The following TMEM260 variants were observed in gnomAD, a reference collection of about 807,000 sequenced individuals.
TMEM260 encodes protein O-mannosyl-transferase TMEM260.
A neutral mutation model predicts 88.9 loss-of-function variants in TMEM260; 82 were observed. The observed-to-expected ratio is 0.92, with a 90% CI of 0.77 to 1.11. TMEM260 has a LOEUF of 1.11. TMEM260 is among the 50% of genes least tolerant of loss of function. The pLI is 0.00. For missense variants in TMEM260, 902 were observed against 853.4 expected, an observed-to-expected ratio of 1.06 and a Z score of -0.71; for synonymous variants, 314 against 309.3, an observed-to-expected ratio of 1.02 and a Z score of -0.16.
the TMEM260 span, among the ~76,000 whole-genome samples, chr14:56,658,525 C>T: frequency 4.6e-5 from 7 of 152,034 alleles, no homozygotes; most frequent in East Asian, 1.2e-3. Flanking sequence ...TCTGAGCCAC[C>T]GCACCCGGCC....
At chr14:56,654,326 C>G (rs972421860), downstream of TMEM260, among the ~76,000 whole-genome samples, 1 of 152,140 alleles carries the variant, frequency 6.6e-6, no homozygotes, top group Non-Finnish European at 1.5e-5. Flanking sequence ...CTGCTAGAAG[C>G]TCAATTTGAA....
At position 56,587,885 on chromosome 14, in the gene TMEM260, A is replaced by T. The variant is rs562536615; in HGVS notation, c.344+1973A>T. Among the ~76,000 whole-genome samples the T allele has an allele frequency of 7.2e-5, 11 of 152,172 alleles. No individual in the cohort carries two copies. In the East Asian group the frequency reaches 2.1e-3, roughly 29 times the overall value. ...AGGACTAACAGTAGCCTATTGATTG[A>T]GTGGAAGAAGACATTATACAATGTC... On this transcript the variant is annotated intron_variant, in intron 3 of 15. Transcript: ENST00000261556.
intron 12 of TMEM260, among the ~76,000 whole-genome samples, chr14:56,629,126 CCT>C: frequency 6.6e-6 from 1 of 152,050 alleles, no homozygotes; most frequent in East Asian, 1.9e-4. Flanking sequence ...GAACTCCTGA[CCT>C]CAAGTGATCC....
Position 56,632,972 on chromosome 14 carries a change from A to G in TMEM260, c.1548-23A>G, listed in dbSNP as rs368923321. On this transcript the variant is annotated intron_variant, in intron 12 of 15. Transcript: ENST00000261556. Reference sequence around the variant, plus strand: ...TAAAACTTTAAATTTTAAGTACATCATGTATTTTTCTGTTTCCAACAGAAA... The same window carrying G: ...TAAAACTTTAAATTTTAAGTACATCGTGTATTTTTCTGTTTCCAACAGAAA... 8.5e-5 allele frequency: 135 copies of G among 1,596,620 alleles called. 1 individual carries two copies. The Middle Eastern group carries it at 1.7e-3, about 20-fold the overall frequency.
chr14:56,630,637 G>T (rs1888531224), intron 12 of TMEM260, among the ~76,000 whole-genome samples: 2 of 151,864 alleles, frequency 1.3e-5, no homozygotes, highest in Non-Finnish European at 2.9e-5. Context: ...TATAATAGTT[G>T]TTTTAAAGTC....
In TMEM260 at chr14:56,637,252, T is replaced by G. The variant is rs546531025; in HGVS notation, c.1869+654T>G. ...ATATAATAGCTTCATTTAAAACAAG[T>G]TCTAGCTGGTTACTGCCTCTGCAAA... is the stretch of plus-strand genomic sequence containing the variant. On this transcript the variant is annotated intron_variant, in intron 15 of 15. Transcript: ENST00000261556. Among the ~76,000 whole-genome samples the G allele has an allele frequency of 6.7e-4, 102 of 152,326 alleles. 1 individual carries two copies. Among genetic ancestry groups the G allele is most frequent in the Admixed American group, 4.6e-4 (7 of 15,302 alleles).
chr14:56,626,605 A>T (rs1438296673), intron 12 of TMEM260, among the ~76,000 whole-genome samples: 4 of 152,210 alleles, frequency 2.6e-5, no homozygotes, highest in African/African-American at 9.6e-5. Context: ...CAGACATAGT[A>T]TATACTCAAT....
At chr14:56,654,790 GGCAACAAGA>G (rs1283893421), downstream of TMEM260, among the ~76,000 whole-genome samples, 1 of 129,778 alleles carries the variant, frequency 7.7e-6, no homozygotes, top group Non-Finnish European at 1.6e-5. Context: ...CTCCAACCTG[GGCAACAAGA>G]GCGAAACTCC....
chr14:56,645,024 G>C (rs1310313288), intron 15 of TMEM260, among the ~76,000 whole-genome samples: 2 of 151,128 alleles, frequency 1.3e-5, no homozygotes, highest in African/African-American at 4.9e-5. Flanking sequence ...GGAGAAATAG[G>C]AACACTTTTA....
intron 1 of TMEM260, among the ~76,000 whole-genome samples, chr14:56,582,846 A>G (rs1382576615): frequency 6.6e-6 from 1 of 152,162 alleles, no homozygotes; most frequent in Non-Finnish European, 1.5e-5. Flanking sequence ...TCAAGGTTAC[A>G]TTTAGAGACG....
chr14:56,599,864 A>G (rs1393225201), intron 3 of TMEM260, among the ~76,000 whole-genome samples: 1 of 152,202 alleles, frequency 6.6e-6, no homozygotes, highest in African/African-American at 2.4e-5. Context: ...TTTTTTAGAG[A>G]ATGTTAGAAT....
At chr14:56,617,415 C>A in intron 9 of TMEM260, 118 bp downstream of exon 9, 1 of 620,400 alleles carries the variant, frequency 1.6e-6, no homozygotes, top group Non-Finnish European at 2.8e-6. Context: ...ATTTTATATA[C>A]ATTTTTATAA....
intron 14 of TMEM260, 85 bp downstream of exon 14, chr14:56,635,037 G>C: frequency 8.7e-7 from 1 of 1,154,264 alleles, no homozygotes; most frequent in Non-Finnish European, 1.3e-6. Flanking sequence ...TTGAGAGTAG[G>C]GGTGAGTAGT....
At position 56,580,019 on chromosome 14, in the gene TMEM260, C is replaced by G. The variant is rs767240415; in HGVS notation, c.105C>G (p.Ala35=). The G allele has an allele frequency of 1.6e-6, 2 of 1,249,044 alleles. No individual in the cohort carries two copies. Among genetic ancestry groups the G allele is most frequent in the East Asian group, 3.1e-5 (1 of 31,938 alleles). The allele number at this position is 1,249,044 out of a possible 1,614,324, so 77.4% of individuals were successfully genotyped here. Reference sequence around the variant, plus strand: ...GCGGCGGCGTGGCGGTGTTCGCCGCCGTGGCCGCAGTGTTCACCTTCACCC... The same window carrying G: ...GCGGCGGCGTGGCGGTGTTCGCCGCGGTGGCCGCAGTGTTCACCTTCACCC... ...GIRGGVAVFA[A]VAAVFTFTLP... Residue 35 remains alanine (A), a synonymous_variant, in exon 1 of 16, where the codon GCC becomes GCG. Transcript: ENST00000261556.
At chr14:56,588,456 A>G (rs761817540) in intron 3 of TMEM260, among the ~76,000 whole-genome samples, 1 of 152,064 alleles carries the variant, frequency 6.6e-6, no homozygotes, top group Non-Finnish European at 1.5e-5. Context: ...CTTAGATTGA[A>G]AGACCAATTT....
chr14:56,639,050 G>A (rs1889355624), intron 15 of TMEM260, among the ~76,000 whole-genome samples: 1 of 152,320 alleles, frequency 6.6e-6, no homozygotes, highest in Admixed American at 6.5e-5. Context: ...CCTGCTGCCT[G>A]AAGACTAGTA....
chr14:56,588,374 A>G (rs1378537005), intron 3 of TMEM260, among the ~76,000 whole-genome samples: 1 of 152,060 alleles, frequency 6.6e-6, no homozygotes, highest in Non-Finnish European at 1.5e-5. Context: ...TTAAACAAAG[A>G]TTTTATTTCA....
intron 5 of TMEM260, 44 bp from the exon 6 acceptor site, chr14:56,609,062 A>T: frequency 6.3e-7 from 1 of 1,580,746 alleles, no homozygotes; most frequent in Non-Finnish European, 8.7e-7. Flanking sequence ...AGATGAATCT[A>T]CTAAAATAAA....
In TMEM260 at chr14:56,633,176, G is replaced by A. The variant is rs771229263; in HGVS notation, c.1724+5G>A. On this transcript the variant is annotated splice_donor_5th_base_variant and intron_variant, in intron 13 of 15. Coordinates refer to ENST00000261556, the MANE Select transcript of TMEM260 (RefSeq NM_017799.4). ...CTGGACCGAAGAATATGGAAGGTAT[G>A]AACAGCAGTTGTATTTTGATGCATA... The A allele has an allele frequency of 6.2e-7, 1 of 1,605,282 alleles. No homozygotes were observed. The highest frequency in any genetic ancestry group is 1.1e-5 in the South Asian group (1 of 89,942).
Sources: allele counts gnomAD v4.1 joint callset (sites outside exome capture counted in the v4.1 genomes callset), GRCh38; gene constraint gnomAD v4.1.1; transcripts MANE v1.5; gene names NCBI Gene and HGNC (gene_info 2026-07-23, HGNC 2026-07-21).